Variants in RALYL observed in about 807,000 individuals in gnomAD.
RALYL encodes the protein RNA-binding Raly-like protein.
A neutral mutation model predicts 35.1 loss-of-function variants in RALYL; 29 were observed. That is an observed-to-expected ratio of 0.83 (90% confidence interval 0.61 to 1.13). The LOEUF is 1.13. RALYL is among the 50% of genes most tolerant of loss of function. RALYL has a pLI of 0.00. For synonymous variants in RALYL, 120 were observed against 127.6 expected (o/e 0.94, Z 0.40); for missense variants, 359 against 360.4 (o/e 1.00, Z 0.03).
intron 6 of RALYL, among the ~76,000 whole-genome samples, chr8:84,871,381 T>C (rs1840163983): frequency 6.6e-6 from 1 of 152,210 alleles, no homozygotes; most frequent in Admixed American, 6.5e-5. Flanking sequence ...GGAGTAGCTC[T>C]AGTTGCTAAG....
intron 2 of RALYL, among the ~76,000 whole-genome samples, chr8:84,614,952 C>A (rs556471227): frequency 3.3e-5 from 5 of 151,490 alleles, no homozygotes. Flanking sequence ...CTTCCTGAAA[C>A]CTGCCCTTGA....
At chr8:84,758,497 G>T (rs1484675294) in intron 2 of RALYL, among the ~76,000 whole-genome samples, 2 of 152,158 alleles carry the variant, frequency 1.3e-5, no homozygotes, top group African/African-American at 2.4e-5. Flanking sequence ...CTCTCCTAAG[G>T]CTGCCACCAA....
chr8:84,389,842 T>C (rs1447782390), intron 1 of RALYL, among the ~76,000 whole-genome samples: 67 of 151,164 alleles, frequency 4.4e-4, no homozygotes, highest in Non-Finnish European at 8.5e-4. Flanking sequence ...TATTTCCTTC[T>C]CCTGCCTAAT....
intron 2 of RALYL, among the ~76,000 whole-genome samples, chr8:84,682,877 C>T (rs190453552): frequency 2.6e-5 from 4 of 152,134 alleles, no homozygotes; most frequent in Admixed American, 1.3e-4. Context: ...TTCTTGCCTT[C>T]TGCTAGCTTT....
In RALYL at chr8:84,336,898, G is replaced by C. The variant is rs1396852730; in HGVS notation, c.-24+152474G>C. ...ACATTTAGTTGAGCCTAGGAGAGCA[G>C]GGCCCTCCATAGACACTAGTTTGAA... On this transcript the variant is annotated intron_variant, in intron 1 of 8. Transcript: ENST00000521268. Among the ~76,000 whole-genome samples, 6 of 151,844 alleles carry C rather than the reference G, an allele frequency of 4.0e-5. No homozygotes were observed. The East Asian group carries it at 1.2e-3, about 29-fold the overall frequency.
At chr8:84,888,240 G>A (rs1053563357) in intron 8 of RALYL, among the ~76,000 whole-genome samples, 1 of 152,124 alleles carries the variant, frequency 6.6e-6, no homozygotes, top group Non-Finnish European at 1.5e-5. Flanking sequence ...TTTGGTAGAT[G>A]GCCAGTTCAT....
chr8:84,786,574 G>T (rs1028106314), intron 3 of RALYL, among the ~76,000 whole-genome samples: 9 of 152,106 alleles, frequency 5.9e-5, no homozygotes, highest in African/African-American at 2.2e-4. Flanking sequence ...TTTCTCTAAT[G>T]ACCAGTGATG....
chr8:84,879,341 C>A (rs1841778611), intron 7 of RALYL, among the ~76,000 whole-genome samples: 1 of 152,054 alleles, frequency 6.6e-6, no homozygotes, highest in Admixed American at 6.6e-5. Context: ...ATTTTTAATT[C>A]TAGAGAAAAT....
intron 1 of RALYL, among the ~76,000 whole-genome samples, chr8:84,365,012 A>C (rs1353060812): frequency 6.6e-6 from 1 of 152,144 alleles, no homozygotes; most frequent in African/African-American, 2.4e-5. Flanking sequence ...TCCTATGGGA[A>C]TGATAGACGC....
chr8:84,751,396 C>T (rs531211925), intron 2 of RALYL, among the ~76,000 whole-genome samples: 8 of 152,056 alleles, frequency 5.3e-5, no homozygotes, highest in Admixed American at 2.0e-4. Context: ...TTAGTAGAGA[C>T]GGGGTTTCAC....
At chr8:84,223,162 C>CCTTCCCTTCCA (rs1822818015) in intron 1 of RALYL, among the ~76,000 whole-genome samples, 1 of 108,862 alleles carries the variant, frequency 9.2e-6, no homozygotes, top group African/African-American at 3.7e-5. Flanking sequence ...CCTTTCTTTC[C>CCTTCCCTTCCA]TTCCTCCCTT....
intron 1 of RALYL, among the ~76,000 whole-genome samples, chr8:84,429,344 G>A (rs1319487419): frequency 6.6e-6 from 1 of 152,150 alleles, no homozygotes. Context: ...CTGGTTTAGT[G>A]CTGTTGAGAT....
At chr8:84,693,947 T>C (rs1838609134) in intron 2 of RALYL, among the ~76,000 whole-genome samples, 1 of 151,680 alleles carries the variant, frequency 6.6e-6, no homozygotes, top group Admixed American at 6.6e-5. Context: ...TCTCAACAAA[T>C]TAGGTATAAA....
chr8:84,915,021 T>C (rs1325450240), intron 8 of RALYL, among the ~76,000 whole-genome samples: 1 of 152,070 alleles, frequency 6.6e-6, no homozygotes, highest in Admixed American at 6.6e-5. Flanking sequence ...CATTCTCTGA[T>C]ATAAGAACTA....
intron 8 of RALYL, among the ~76,000 whole-genome samples, chr8:84,919,849 A>G (rs961498563): frequency 2.6e-5 from 4 of 152,024 alleles, no homozygotes; most frequent in Admixed American, 1.3e-4. Context: ...ATATCATAAC[A>G]AGATTTGAGG....
intron 1 of RALYL, among the ~76,000 whole-genome samples, chr8:84,342,721 G>A (rs1436709342): frequency 6.6e-6 from 1 of 151,930 alleles, no homozygotes; most frequent in Non-Finnish European, 1.5e-5. Context: ...GTAATATGTT[G>A]TTTCATCAGA....
At chr8:84,236,461 A>G (rs1015992579) in intron 1 of RALYL, among the ~76,000 whole-genome samples, 2 of 152,134 alleles carry the variant, frequency 1.3e-5, no homozygotes, top group Non-Finnish European at 2.9e-5. Flanking sequence ...ATTGCCATTC[A>G]GTGGTGCTTG....
intron 2 of RALYL, among the ~76,000 whole-genome samples, chr8:84,534,416 C>T (rs2059467610): frequency 6.6e-6 from 1 of 152,190 alleles, no homozygotes; most frequent in Non-Finnish European, 1.5e-5. Flanking sequence ...TAGCAAGTAT[C>T]TTCTTTTCAA....
At chr8:84,873,614 A>T (rs1164671063) in intron 7 of RALYL, among the ~76,000 whole-genome samples, 2 of 152,228 alleles carry the variant, frequency 1.3e-5, no homozygotes, top group Non-Finnish European at 2.9e-5. Flanking sequence ...TACTAAAAAT[A>T]AAAGGCAAGG....
Sources: gnomAD v4.1 joint callset for allele counts (sites outside exome capture counted in the v4.1 genomes callset) on GRCh38, gnomAD v4.1.1 for gene constraint, MANE v1.5 for transcripts, NCBI Gene and HGNC (gene_info 2026-07-23, HGNC 2026-07-21) for gene names.